The following PCDHGA11 variants were observed in gnomAD, a reference collection of about 807,000 sequenced individuals.
The protein encoded by PCDHGA11 is protocadherin gamma-A11.
Under a neutral mutation model 60.4 loss-of-function variants are expected in PCDHGA11, and 39 were observed. The observed-to-expected ratio is 0.65, with a 90% CI of 0.50 to 0.84. The LOEUF (loss-of-function observed/expected upper bound fraction) is 0.84, where lower values mean the gene tolerates loss of function less well. Ranked by LOEUF, PCDHGA11 falls within the 40% of genes least tolerant of loss-of-function variation. PCDHGA11 has a pLI of 0.00. For missense variants in PCDHGA11, 1,165 were observed against 1,197.7 expected, an observed-to-expected ratio of 0.97 and a Z score of 0.40; for synonymous variants, 533 against 510.3, an observed-to-expected ratio of 1.04 and a Z score of -0.60.
In PCDHGA11 at chr5:141,440,050, G is replaced by C. The variant is rs747798063; in HGVS notation, c.2433+16390G>C. On this transcript the variant is annotated intron_variant, in intron 1 of 3. Coordinates refer to ENST00000398587, the MANE Select transcript of PCDHGA11 (RefSeq NM_018914.3). ...GTGTCGAGGACATGCCCACTTGAAA[G>C]CTTCGGGTTAATGCTGAGGAATAAT... 6 of 152,826 alleles carry C rather than the reference G, an allele frequency of 3.9e-5. No homozygotes were observed. The East Asian group carries it at 1.2e-3, about 29-fold the overall frequency. 9.5% of individuals were successfully genotyped at this position (152,826 alleles called of 1,614,324 possible). A position where few individuals can be genotyped will look rare whatever the true frequency, so the allele number is the denominator to read the frequency against.
intron 1 of PCDHGA11, among the ~76,000 whole-genome samples, chr5:141,433,594 G>A (rs1331681563): frequency 1.3e-5 from 2 of 152,086 alleles, no homozygotes; most frequent in Admixed American, 1.3e-4. Context: ...CCAGTACTTT[G>A]GGAGGCCGAG....
At chr5:141,425,624 G>T (rs1007643604) in intron 1 of PCDHGA11, among the ~76,000 whole-genome samples, 1 of 152,184 alleles carries the variant, frequency 6.6e-6, no homozygotes, top group African/African-American at 2.4e-5. Flanking sequence ...TGCTCCTCCA[G>T]TTTTCTCTGA....
intron 3 of PCDHGA11, among the ~76,000 whole-genome samples, chr5:141,505,782 T>A (rs1163025757): frequency 6.6e-6 from 1 of 152,204 alleles, no homozygotes; most frequent in Non-Finnish European, 1.5e-5. Context: ...CTAGCTCTGC[T>A]ACTATCCTTG....
intron 1 of PCDHGA11, chr5:141,441,940 G>T (rs2098285664): frequency 5.9e-6 from 2 of 341,298 alleles, no homozygotes; most frequent in Non-Finnish European, 1.1e-5. Flanking sequence ...GTCCTACCAC[G>T]TGCTGCAGGC....
chr5:141,500,232 G>A (rs1024752888), intron 2 of PCDHGA11, among the ~76,000 whole-genome samples: 1 of 137,690 alleles, frequency 7.3e-6, no homozygotes, highest in South Asian at 2.3e-4. Flanking sequence ...TTATTGATAC[G>A]TAGCCTTGCT....
rs915257485 is a variant in PCDHGA11, at chr5:141,476,018, A to T, written c.2434-18789A>T. ...AACGGCATCCAGAAAGCCATGTCGG[A>T]CTCGGCGCCCAGCGCCCAAGCGCTA... On this transcript the variant is annotated intron_variant, in intron 1 of 3. Transcript: ENST00000398587. This position sits in a 1 kb window ranked among gnomAD's most constrained non-coding sequence, Gnocchi z 7.6. The T allele has an allele frequency of 5.8e-6, 8 of 1,371,412 alleles. No homozygotes were observed. Among genetic ancestry groups the T allele is most frequent in the Non-Finnish European group, 7.9e-6 (8 of 1,016,908 alleles). The allele number at this position is 1,371,412 out of a possible 1,614,324, so 85.0% of individuals were successfully genotyped here.
rs1417059875 is a variant in PCDHGA11 at position 141,496,499 on chromosome 5, G to C, written c.2492+1634G>C. 2.6e-5 allele frequency among the ~76,000 whole-genome samples: 4 copies of C among 152,102 alleles called. No individual in the cohort carries two copies. In the East Asian group the frequency reaches 7.7e-4, roughly 29 times the overall value. On this transcript the variant is annotated intron_variant, in intron 2 of 3. Coordinates refer to ENST00000398587, the MANE Select transcript of PCDHGA11 (RefSeq NM_018914.3). ...TCCTGCAACCAACCAAACCCTTGTT[G>C]CCACAAGGACCCAGGAGCCCTTGGT...
chr5:141,485,995 T>G lies in PCDHGA11; in HGVS notation c.2434-8812T>G. 1 of 1,614,176 alleles carries G rather than the reference T, an allele frequency of 6.2e-7. No individual in the cohort carries two copies. On this transcript the variant is annotated intron_variant, in intron 1 of 3. Transcript: ENST00000398587. The surrounding 1 kb of genome is among the most constrained non-coding windows in gnomAD (Gnocchi z 5.7). ...CCTCAGACCCGGACCTGGGTCCCAG[T>G]GGTAACGTCACCTTTTATTTCAGTG...
intron 1 of PCDHGA11, among the ~76,000 whole-genome samples, chr5:141,444,162 T>A: frequency 8.4e-6 from 1 of 119,238 alleles, no homozygotes. Flanking sequence ...ATTTTTTTTT[T>A]TTTTTTTTTT....
At position 141,485,386 on chromosome 5, in the gene PCDHGA11, C is replaced by A. The variant is rs1044608807; in HGVS notation, c.2434-9421C>A. The stretch of plus-strand genomic sequence containing the variant: ...GGCTGCAGGTCGCTGGAGAGGTGAA[C>A]CAAAGACACTTCCGTGTGGATTTGG... On this transcript the variant is annotated intron_variant, in intron 1 of 3. Coordinates refer to ENST00000398587, the MANE Select transcript of PCDHGA11 (RefSeq NM_018914.3). This position sits in a 1 kb window ranked among gnomAD's most constrained non-coding sequence, Gnocchi z 5.7. 1.2e-6 allele frequency: 2 copies of A among 1,614,104 alleles called. No homozygotes were observed. The highest frequency in any genetic ancestry group is 8.5e-7 in the Non-Finnish European group (1 of 1,180,002).
intron 3 of PCDHGA11, among the ~76,000 whole-genome samples, chr5:141,506,473 G>A (rs976701500): frequency 2.7e-4 from 40 of 150,506 alleles, no homozygotes; most frequent in Admixed American, 1.5e-3. Flanking sequence ...AAAGAGCACA[G>A]GCTTTAGAGG....
chr5:141,423,461 A>G lies in PCDHGA11; in HGVS notation c.2234A>G (p.Asp745Gly), dbSNP rs1590478217. 6.2e-7 allele frequency: 1 copy of G among 1,613,982 alleles called. No homozygotes were observed. Among genetic ancestry groups the G allele is most frequent in the Non-Finnish European group, 8.5e-7 (1 of 1,179,948 alleles). Residue 745 changes from aspartate to glycine, a missense_variant, in exon 1 of 4, where the codon GAC (aspartate) becomes GGC (glycine). Physicochemically the swap from Asp to Gly is moderately conservative, Grantham distance 94 (BLOSUM62 -1). Coordinates refer to ENST00000398587, the MANE Select transcript of PCDHGA11 (RefSeq NM_018914.3). ...CCCACGTCACATTTTGTAGGCGTGG[A>G]CGGGGTACAGGCTTTCCTGCAAACC... ...GMPTSHFVGV[D>G]GVQAFLQTYS...
At chr5:141,471,708 T>G (rs1359785951) in intron 1 of PCDHGA11, among the ~76,000 whole-genome samples, 1 of 152,138 alleles carries the variant, frequency 6.6e-6, no homozygotes, top group Non-Finnish European at 1.5e-5. Context: ...GGAATAGAAG[T>G]GCCACTTACC....
chr5:141,474,908 T>C (rs1016814167), intron 1 of PCDHGA11, among the ~76,000 whole-genome samples: 7 of 152,242 alleles, frequency 4.6e-5, no homozygotes, highest in African/African-American at 1.4e-4. Flanking sequence ...TGTTCAAGGA[T>C]ATACATCTCA....
At chr5:141,496,759 C>T (rs1287940646) in intron 2 of PCDHGA11, among the ~76,000 whole-genome samples, 2 of 152,038 alleles carry the variant, frequency 1.3e-5, no homozygotes, top group South Asian at 4.2e-4. Context: ...AAATATTTAT[C>T]GAGCATCTAC....
chr5:141,509,719 C>G (rs2099877973), intron 3 of PCDHGA11, among the ~76,000 whole-genome samples: 1 of 152,152 alleles, frequency 6.6e-6, no homozygotes, highest in Non-Finnish European at 1.5e-5. Flanking sequence ...TGTCTGATGT[C>G]ACCTAGCTGT....
chr5:141,432,369 A>G lies in PCDHGA11; in HGVS notation c.2433+8709A>G. 6.2e-7 allele frequency: 1 copy of G among 1,614,222 alleles called. No homozygotes were observed. The highest frequency in any genetic ancestry group is 1.1e-5 in the South Asian group (1 of 91,084). ...CAAGTGAAAGTGATGGCGCGGGACA[A>G]CGGGCACCCGCCCCTCAGCAGCAAC... On this transcript the variant is annotated intron_variant, in intron 1 of 3. Coordinates refer to ENST00000398587, the MANE Select transcript of PCDHGA11 (RefSeq NM_018914.3). The surrounding 1 kb of genome is among the most constrained non-coding windows in gnomAD (Gnocchi z 6.0).
Position 141,422,865 on chromosome 5 carries a change from C to G in PCDHGA11, c.1638C>G (p.Asn546Lys). The stretch of plus-strand genomic sequence containing the variant: ...GCGGGGACCCGCCCCTCAGCAGCAA[C>G]GTGTCGCTGAGCCTGTTCGTGCTGG... ...RDSGDPPLSS[N>K]VSLSLFVLDQ... Residue 546 changes from asparagine (N) to lysine (K), a missense_variant, in exon 1 of 4, where the codon AAC becomes AAG. Transcript: ENST00000398587. The G allele has an allele frequency of 1.2e-6, 2 of 1,614,244 alleles. No homozygotes were observed. The highest frequency in any genetic ancestry group is 1.7e-6 in the Non-Finnish European group (2 of 1,180,042).
At chr5:141,497,503 C>CTGCTTCCT (rs1042765123) in intron 2 of PCDHGA11, among the ~76,000 whole-genome samples, 57 of 151,054 alleles carry the variant, frequency 3.8e-4, no homozygotes, top group African/African-American at 1.4e-3. Flanking sequence ...TCTCCTCTCT[C>CTGCTTCCT]TGCTTCCTTA....
Sources: allele counts gnomAD v4.1 joint callset (sites outside exome capture counted in the v4.1 genomes callset), GRCh38; gene constraint gnomAD v4.1.1; non-coding constraint Gnocchi (gnomAD v3.1); transcripts MANE v1.5; gene names NCBI Gene and HGNC (gene_info 2026-07-23, HGNC 2026-07-21).